The following CA10 variants were observed in gnomAD, a reference collection of about 807,000 sequenced individuals.
The protein encoded by CA10 is carbonic anhydrase 10 (inactive).
A neutral mutation model predicts 44.2 loss-of-function variants in CA10; 14 were observed. The ratio of observed to expected loss-of-function variants is 0.32; its 90% confidence interval spans 0.21 to 0.50. The LOEUF is 0.50. Among genes scored for constraint, CA10 ranks in the 20% least tolerant of loss-of-function variants. The pLI, the probability that CA10 is intolerant of heterozygous loss-of-function variation, is 0.99. For missense variants in CA10, 350 were observed against 409.7 expected (o/e 0.85, Z 1.26); for synonymous variants, 159 against 141.6 (o/e 1.12, Z -0.87).
chr17:52,129,472 G>C (rs1170353580), intron 1 of CA10, among the ~76,000 whole-genome samples: 1 of 152,168 alleles, frequency 6.6e-6, no homozygotes, highest in Non-Finnish European at 1.5e-5. Context: ...TGAGAAAACT[G>C]AGCACAGAGA....
chr17:51,859,885 A>G (rs1016893333), intron 3 of CA10, among the ~76,000 whole-genome samples: 1 of 152,168 alleles, frequency 6.6e-6, no homozygotes, highest in East Asian at 1.9e-4. Flanking sequence ...GATTGCCATG[A>G]TACACATAAG....
intron 1 of CA10, among the ~76,000 whole-genome samples, chr17:52,112,497 T>C (rs1250887412): frequency 1.3e-5 from 2 of 152,232 alleles, no homozygotes; most frequent in African/African-American, 2.4e-5. Context: ...AAAATAGTTA[T>C]ATTTGGCCCT....
intron 3 of CA10, among the ~76,000 whole-genome samples, chr17:51,921,449 C>G (rs1429996437): frequency 1.3e-5 from 2 of 152,212 alleles, no homozygotes; most frequent in African/African-American, 4.8e-5. Flanking sequence ...TTAAAATCAG[C>G]TGTAATGACT....
chr17:51,825,866 T>A (rs894437411), intron 3 of CA10, among the ~76,000 whole-genome samples: 2 of 152,218 alleles, frequency 1.3e-5, no homozygotes, highest in African/African-American at 4.8e-5. Flanking sequence ...ACCAGTTGCC[T>A]TCCCTGATAC....
At chr17:51,939,458 G>A (rs1982993293) in intron 2 of CA10, among the ~76,000 whole-genome samples, 1 of 152,044 alleles carries the variant, frequency 6.6e-6, no homozygotes, top group African/African-American at 2.4e-5. Context: ...GTAGGCACAT[G>A]CTTTATTTTA....
At chr17:51,890,444 A>G (rs546646053) in intron 3 of CA10, among the ~76,000 whole-genome samples, 1 of 152,204 alleles carries the variant, frequency 6.6e-6, no homozygotes, top group Non-Finnish European at 1.5e-5. Flanking sequence ...GGAAGGAACA[A>G]AGGAGCTGAA....
intron 3 of CA10, among the ~76,000 whole-genome samples, chr17:51,752,176 A>C (rs888756060): frequency 1.3e-5 from 2 of 151,956 alleles, no homozygotes; most frequent in Non-Finnish European, 2.9e-5. Flanking sequence ...GGTTTGTTGC[A>C]CTTTAATTTA....
chr17:51,869,217 T>C (rs189801863), intron 3 of CA10, among the ~76,000 whole-genome samples: 7 of 152,256 alleles, frequency 4.6e-5, no homozygotes, highest in Non-Finnish European at 1.0e-4. Context: ...ATTGATGTTA[T>C]GAAAATTTCA....
chr17:51,743,310 T>C (rs1904537491), intron 4 of CA10, among the ~76,000 whole-genome samples: 2 of 152,256 alleles, frequency 1.3e-5, no homozygotes, highest in African/African-American at 4.8e-5. Flanking sequence ...CCCTGGCTAA[T>C]GTATTTTCTT....
intron 4 of CA10, among the ~76,000 whole-genome samples, chr17:51,729,026 T>A (rs1444145413): frequency 3.9e-5 from 6 of 152,066 alleles, no homozygotes; most frequent in Non-Finnish European, 8.8e-5. Flanking sequence ...CAGCTTCCAG[T>A]GCAGGAGCAA....
intron 6 of CA10, among the ~76,000 whole-genome samples, chr17:51,644,387 C>T (rs1287323603): frequency 2.6e-5 from 4 of 152,132 alleles, no homozygotes; most frequent in Non-Finnish European, 5.9e-5. Flanking sequence ...ATTTTCAATC[C>T]TAAGTCATGG....
At chr17:51,737,400 G>GGCTA (rs1447050640) in intron 4 of CA10, among the ~76,000 whole-genome samples, 1 of 151,258 alleles carries the variant, frequency 6.6e-6, no homozygotes, top group Non-Finnish European at 1.5e-5. Flanking sequence ...CTTCAGTTTG[G>GGCTA]GCTAGATGAG....
chr17:51,766,505 T>G (rs1341370406), intron 3 of CA10, among the ~76,000 whole-genome samples: 1 of 152,188 alleles, frequency 6.6e-6, no homozygotes, highest in African/African-American at 2.4e-5. Flanking sequence ...GCTCCTTTGC[T>G]CTTAGCTTCA....
intron 4 of CA10, among the ~76,000 whole-genome samples, chr17:51,710,111 A>G (rs1915885551): frequency 6.6e-6 from 1 of 152,226 alleles, no homozygotes; most frequent in South Asian, 2.1e-4. Flanking sequence ...GAAAAGTTCA[A>G]TAATTAAAAT....
chr17:51,969,793 T>C (rs1984214324), intron 2 of CA10, among the ~76,000 whole-genome samples: 1 of 151,680 alleles, frequency 6.6e-6, no homozygotes. Context: ...GAGTAGGAAA[T>C]AAGCAGAAAA....
intron 3 of CA10, among the ~76,000 whole-genome samples, chr17:51,768,278 C>T (rs975243250): frequency 3.3e-5 from 5 of 151,180 alleles, no homozygotes; most frequent in African/African-American, 9.7e-5. Context: ...CCTGCTTGTA[C>T]AATAGCTGCA....
intron 4 of CA10, among the ~76,000 whole-genome samples, chr17:51,718,843 C>T (rs573265658): frequency 3.3e-5 from 5 of 152,166 alleles, no homozygotes; most frequent in Non-Finnish European, 7.3e-5. Flanking sequence ...CGTGTTTTGG[C>T]AACCAGAGGT....
chr17:51,718,935 T>C lies in CA10; in HGVS notation c.465+28698A>G, dbSNP rs191104043. 2.1e-3 allele frequency among the ~76,000 whole-genome samples: 318 copies of C among 152,344 alleles called. 3 individuals carry two copies. The highest frequency in any genetic ancestry group is 4.5e-3 in the Admixed American group (69 of 15,306). ...TTCTCCATATCTCATACTACTGCCC[T>C]GAGGATGTCTTCTATACCTCTACTT... On this transcript the variant is annotated intron_variant, in intron 4 of 8. Transcript: ENST00000451037.
intron 3 of CA10, among the ~76,000 whole-genome samples, chr17:51,912,207 T>A (rs1981817298): frequency 6.6e-6 from 1 of 152,172 alleles, no homozygotes; most frequent in Non-Finnish European, 1.5e-5. Context: ...ACTGACATAA[T>A]TTCAAGGGTC....
Sources: allele counts gnomAD v4.1 joint callset (sites outside exome capture counted in the v4.1 genomes callset), GRCh38; gene constraint gnomAD v4.1.1; transcripts MANE v1.5; gene names NCBI Gene and HGNC (gene_info 2026-07-23, HGNC 2026-07-21).